SSU72: variants seen among roughly 807,000 people sequenced by gnomAD.
The protein encoded by SSU72 is SSU72 homolog, RNA polymerase II CTD phosphatase, also known as RNA polymerase II subunit A C-terminal domain phosphatase SSU72.
A neutral mutation model predicts 22.7 loss-of-function variants in SSU72; 12 were observed. The ratio of observed to expected loss-of-function variants is 0.53; its 90% CI spans 0.34 to 0.86. The LOEUF is 0.86. Among genes scored for constraint, SSU72 ranks in the 40% least tolerant of loss-of-function variants. The probability of loss-of-function intolerance (pLI) is 0.02; values close to 1 mark genes in which losing one functional copy is unlikely to be tolerated. For missense variants in SSU72, 151 were observed against 249.8 expected, an observed-to-expected ratio of 0.60 and a Z score of 2.67; for synonymous variants, 116 against 98.3, an observed-to-expected ratio of 1.18 and a Z score of -1.06.
At chr1:1,574,116 G>A (rs1020063833) in intron 1 of SSU72, among the ~76,000 whole-genome samples, 3 of 152,048 alleles carry the variant, frequency 2.0e-5, no homozygotes, top group Non-Finnish European at 4.4e-5. Flanking sequence ...GGTATGCCGT[G>A]ATTGTGTTGC....
intron 2 of SSU72, among the ~76,000 whole-genome samples, chr1:1,552,534 A>G (rs908274465): frequency 6.7e-6 from 1 of 150,336 alleles, no homozygotes; most frequent in African/African-American, 2.5e-5. Flanking sequence ...ATTCCTCCCG[A>G]GCCCCCAGCT....
chr1:1,550,851 C>A (rs1444245973), intron 2 of SSU72, among the ~76,000 whole-genome samples: 1 of 152,188 alleles, frequency 6.6e-6, no homozygotes, highest in East Asian at 1.9e-4. Context: ...GAACCATCAC[C>A]CACCACACGC....
intron 1 of SSU72, among the ~76,000 whole-genome samples, chr1:1,565,215 T>C (rs988198614): frequency 2.0e-4 from 30 of 151,988 alleles, no homozygotes; most frequent in African/African-American, 7.0e-4. Flanking sequence ...CTACTAAAAA[T>C]ACAAAAAATT....
intron 1 of SSU72, among the ~76,000 whole-genome samples, chr1:1,566,040 T>G (rs1417133579): frequency 6.6e-6 from 1 of 151,700 alleles, no homozygotes; most frequent in Non-Finnish European, 1.5e-5. Context: ...ATGGATCACC[T>G]GAGGCTGGGA....
At chr1:1,560,369 C>T (rs1201837496) in intron 2 of SSU72, among the ~76,000 whole-genome samples, 1 of 151,624 alleles carries the variant, frequency 6.6e-6, no homozygotes, top group Non-Finnish European at 1.5e-5. Flanking sequence ...TGGCCTCCGG[C>T]TCCTGGGCTC....
chr1:1,559,529 G>A lies in SSU72; in HGVS notation c.224+5244C>T, dbSNP rs116966682. 2.9e-3 allele frequency among the ~76,000 whole-genome samples: 440 copies of A among 152,250 alleles called. 15 individuals carry two copies. The East Asian group carries it at 0.059, about 20-fold the overall frequency. ...AACCTACACAGTAGAGTTCCCATTT[G>A]TCTACAAAGGTCAGGGGAGCTTAGA... On this transcript the variant is annotated intron_variant, in intron 2 of 4. Transcript: ENST00000291386.
intron 1 of SSU72, among the ~76,000 whole-genome samples, chr1:1,568,371 C>G (rs534761962): frequency 1.3e-5 from 2 of 152,224 alleles, no homozygotes; most frequent in Non-Finnish European, 2.9e-5. Flanking sequence ...GCAGGTGGAT[C>G]ACTTCAGCTC....
chr1:1,567,861 C>T (rs1051376387), intron 1 of SSU72, among the ~76,000 whole-genome samples: 6 of 147,920 alleles, frequency 4.1e-5, no homozygotes, highest in East Asian at 4.1e-4. Context: ...TGCAGTGAGC[C>T]GAGATCGCGC....
chr1:1,556,193 G>A (rs944643127), intron 2 of SSU72, among the ~76,000 whole-genome samples: 2 of 152,212 alleles, frequency 1.3e-5, no homozygotes, highest in African/African-American at 2.4e-5. Flanking sequence ...AGCACTTTGG[G>A]AGGCCAAGGC....
At chr1:1,556,737 T>C (rs1319182750) in intron 2 of SSU72, among the ~76,000 whole-genome samples, 1 of 152,164 alleles carries the variant, frequency 6.6e-6, no homozygotes, top group Non-Finnish European at 1.5e-5. Context: ...ACCATGGCCT[T>C]GCGACTGCAG....
chr1:1,548,294 C>T (rs981444207), intron 2 of SSU72, among the ~76,000 whole-genome samples: 10 of 152,174 alleles, frequency 6.6e-5, no homozygotes, highest in African/African-American at 2.4e-4. Flanking sequence ...CGCGGTGGCT[C>T]ACACCTGTAA....
At chr1:1,550,188 A>G (rs1336822407) in intron 2 of SSU72, among the ~76,000 whole-genome samples, 1 of 149,908 alleles carries the variant, frequency 6.7e-6, no homozygotes, top group Non-Finnish European at 1.5e-5. Context: ...AAAAAAAAAA[A>G]AAAGTATATA....
At chr1:1,570,575 C>A (rs1407977204) in intron 1 of SSU72, among the ~76,000 whole-genome samples, 1 of 152,064 alleles carries the variant, frequency 6.6e-6, no homozygotes, top group Non-Finnish European at 1.5e-5. Flanking sequence ...GGGACCCCCC[C>A]CACCCCAAAA....
chr1:1,558,913 G>A (rs1642551768), intron 2 of SSU72, among the ~76,000 whole-genome samples: 1 of 152,178 alleles, frequency 6.6e-6, no homozygotes, highest in South Asian at 2.1e-4. Flanking sequence ...CTCCCCAAAG[G>A]CACTCCAAGC....
At chr1:1,567,649 T>C (rs1238929298) in intron 1 of SSU72, among the ~76,000 whole-genome samples, 1 of 151,794 alleles carries the variant, frequency 6.6e-6, no homozygotes, top group Non-Finnish European at 1.5e-5. Flanking sequence ...CAACATACAA[T>C]AAAATATGTT....
chr1:1,573,000 A>C (rs1347026323), intron 1 of SSU72, among the ~76,000 whole-genome samples: 2 of 152,120 alleles, frequency 1.3e-5, no homozygotes, highest in Non-Finnish European at 2.9e-5. Context: ...TTTTAAAAAC[A>C]ACCTTTGGCC....
At chr1:1,556,535 CTT>C (rs996800830) in intron 2 of SSU72, among the ~76,000 whole-genome samples, 1 of 151,698 alleles carries the variant, frequency 6.6e-6, no homozygotes, top group Non-Finnish European at 1.5e-5. Flanking sequence ...GAGCAAAACT[CTT>C]GTCTCAAAAA....
chr1:1,572,415 C>T (rs1449524929), intron 1 of SSU72, among the ~76,000 whole-genome samples: 1 of 148,888 alleles, frequency 6.7e-6, no homozygotes, highest in Non-Finnish European at 1.5e-5. Context: ...GCTACAGACT[C>T]CCCCTCAAGA....
At position 1,554,192 on chromosome 1, in the gene SSU72, G is replaced by A. The variant is rs1400722781; in HGVS notation, c.225-9190C>T. Among the ~76,000 whole-genome samples the A allele has an allele frequency of 6.6e-6, 1 of 152,050 alleles. No homozygotes were observed. Among genetic ancestry groups the A allele is most frequent in the Non-Finnish European group, 1.5e-5 (1 of 67,996 alleles). ...ACCACTAAGGGGTCCCCACGAAGCT[G>A]AGCACGAGGCGGATCCGGACCACTA... On this transcript the variant is annotated intron_variant, in intron 2 of 4. Coordinates refer to ENST00000291386, the MANE Select transcript of SSU72 (RefSeq NM_014188.3). The surrounding 1 kb of genome is among the most constrained non-coding windows in gnomAD (Gnocchi z 4.1).
Sources: gnomAD v4.1 joint callset for allele counts (sites outside exome capture counted in the v4.1 genomes callset) on GRCh38, gnomAD v4.1.1 for gene constraint, Gnocchi (gnomAD v3.1) non-coding constraint, MANE v1.5 for transcripts, NCBI Gene and HGNC (gene_info 2026-07-23, HGNC 2026-07-21) for gene names.